The following ACAD9 variants were observed in gnomAD, a reference collection of about 807,000 sequenced individuals.
ACAD9 encodes the protein complex I assembly factor ACAD9, mitochondrial.
A neutral mutation model predicts 70.2 loss-of-function variants in ACAD9; 53 were observed. The observed-to-expected ratio is 0.75, with a 90% CI of 0.61 to 0.95. The LOEUF is 0.95. ACAD9 is among the 40% of genes least tolerant of loss of function. The pLI, the probability that ACAD9 is intolerant of heterozygous loss-of-function variation, is 0.00. For synonymous variants in ACAD9, 313 were observed against 312.1 expected (o/e 1.00, Z -0.03); for missense variants, 777 against 802.8 (o/e 0.97, Z 0.39).
rs567325232 is a variant in ACAD9 at position 128,897,274 on chromosome 3, C to T, written c.555-358C>T. On this transcript the variant is annotated intron_variant, in intron 5 of 17. Transcript: ENST00000308982. ...CTCAATCTCATCTCACTGCAACCTCCGCCTTCAAGCGATTCTTCTGCCTCA... is the reference window on the plus strand; with the variant it reads ...CTCAATCTCATCTCACTGCAACCTCTGCCTTCAAGCGATTCTTCTGCCTCA... Among the ~76,000 whole-genome samples the T allele has an allele frequency of 5.9e-5, 9 of 151,958 alleles. 1 individual carries two copies. Among genetic ancestry groups the T allele is most frequent in the East Asian group, 3.9e-4 (2 of 5,164 alleles).
chr3:128,909,505 T>C (rs367889764), intron 15 of ACAD9, 84 bp downstream of exon 15: 16 of 1,390,818 alleles, frequency 1.2e-5, no homozygotes, highest in African/African-American at 8.5e-5. Flanking sequence ...TCAAGCATCC[T>C]TTGGGACCAG....
At chr3:128,912,415 GCTGA>G (rs1488208420) in intron 17 of ACAD9, 88 bp from the exon 18 acceptor site, 3 of 1,148,538 alleles carry the variant, frequency 2.6e-6, no homozygotes, top group African/African-American at 1.5e-5. Flanking sequence ...TGGTGGGTGG[GCTGA>G]CTTTGTGGAA....
At chr3:128,886,294 G>A (rs1935243032) in intron 2 of ACAD9, among the ~76,000 whole-genome samples, 1 of 151,508 alleles carries the variant, frequency 6.6e-6, no homozygotes, top group Admixed American at 6.6e-5. Context: ...GTAGAGATGG[G>A]GTTTCACTAT....
intron 5 of ACAD9, 47 bp downstream of exon 5, chr3:128,896,583 C>G (rs1249156034): frequency 1.9e-6 from 3 of 1,590,894 alleles, no homozygotes; most frequent in East Asian, 2.2e-5. Context: ...GTGATGTTGC[C>G]CAAGATTCAC....
chr3:128,885,926 C>T (rs1470438472), intron 2 of ACAD9, among the ~76,000 whole-genome samples: 3 of 151,232 alleles, frequency 2.0e-5, no homozygotes, highest in Non-Finnish European at 4.4e-5. Flanking sequence ...CTGAAGCAGG[C>T]GAATTGCTTG....
rs1935033997 is a variant in ACAD9, at chr3:128,879,821, T to TA, written c.130_131insA (p.Phe44TyrfsTer17). ...TGTACGAGCTTTCGCCAAAGAGCTT[T>TA]TCCTAGGCAAAATCAAGAAGGTAAC... On this transcript the variant is annotated frameshift_variant, in exon 1 of 18. Coordinates refer to ENST00000308982, the MANE Select transcript of ACAD9 (RefSeq NM_014049.5). LOFTEE classifies it high-confidence loss of function. The TA allele has an allele frequency of 1.9e-6, 3 of 1,614,062 alleles. No individual in the cohort carries two copies. The East Asian group carries it at 6.7e-5, about 36-fold the overall frequency.
rs1000084357 is a variant in ACAD9, at chr3:128,899,373, C to G, written c.720C>G (p.Asp240Glu). 1 of 1,614,268 alleles carries G rather than the reference C, an allele frequency of 6.2e-7. No individual in the cohort carries two copies. Among genetic ancestry groups the G allele is most frequent in the Non-Finnish European group, 8.5e-7 (1 of 1,180,048 alleles). Residue 240 changes from aspartate to glutamate, a missense_variant, in exon 7 of 18, where the codon GAC becomes GAG. By Grantham distance (45) the Asp-to-Glu change is conservative (BLOSUM62 2). Coordinates refer to ENST00000308982, the MANE Select transcript of ACAD9 (RefSeq NM_014049.5). ...TTGATTCTGATGGATCAGTGAAAGA[C>G]AAAATCACAGCATTCATAGTAGAAA... Reference protein sequence around the residue: ...EVVDSDGSVKDKITAFIVERD... With the variant: ...EVVDSDGSVKEKITAFIVERD...
Position 128,887,652 on chromosome 3 carries a change from T to A in ACAD9, c.244+2906T>A, listed in dbSNP as rs201785730. 2.6e-4 allele frequency among the ~76,000 whole-genome samples: 31 copies of A among 118,084 alleles called. 1 individual carries two copies. Among genetic ancestry groups the A allele is most frequent in the African/African-American group, 7.4e-4 (21 of 28,438 alleles). The allele number at this position is 118,084 out of a possible 152,430, so 77.5% of individuals were successfully genotyped here. A position where few individuals can be genotyped will look rare whatever the true frequency, so the allele number is the denominator to read the frequency against. ...AAATAAAAAAATAAATAAATATATA[T>A]ATATATATATATATATGCAAGAAAC... On this transcript the variant is annotated intron_variant, in intron 2 of 17. Transcript: ENST00000308982.
At chr3:128,908,459 A>G in intron 13 of ACAD9, 195 bp downstream of exon 13, 1 of 664,244 alleles carries the variant, frequency 1.5e-6, no homozygotes, top group South Asian at 1.7e-5. Flanking sequence ...CCCTGCCCTT[A>G]TGGCCACAGC....
At chr3:128,911,458 T>C (rs138964518) in intron 17 of ACAD9, among the ~76,000 whole-genome samples, 1,527 of 151,972 alleles carry the variant, frequency 0.01, 33 homozygotes, top group African/African-American at 0.035. Flanking sequence ...TTTGGAGACA[T>C]AGTCTCACTT....
chr3:128,891,649 T>G (rs998586924), intron 2 of ACAD9, among the ~76,000 whole-genome samples: 1 of 152,154 alleles, frequency 6.6e-6, no homozygotes, highest in African/African-American at 2.4e-5. Context: ...AAAAGTCTGT[T>G]TCATCAGAAC....
At chr3:128,887,477 C>G (rs1227976757) in intron 2 of ACAD9, among the ~76,000 whole-genome samples, 1 of 151,384 alleles carries the variant, frequency 6.6e-6, no homozygotes, top group South Asian at 2.1e-4. Flanking sequence ...CATGGTGGTG[C>G]GCGCCCATAG....
chr3:128,908,098 C>A, intron 12 of ACAD9, 87 bp from the exon 13 acceptor site: 1 of 1,257,726 alleles, frequency 8.0e-7, no homozygotes, highest in South Asian at 1.2e-5. Flanking sequence ...GGCAAGCAGG[C>A]AGTGGCCGGC....
intron 3 of ACAD9, 89 bp downstream of exon 3, chr3:128,893,745 T>C: frequency 8.8e-7 from 1 of 1,131,284 alleles, no homozygotes; most frequent in African/African-American, 1.5e-5. Context: ...CTGGAATAGA[T>C]GACACCATCC....
At position 128,909,271 on chromosome 3, in the gene ACAD9, G is replaced by A. The variant is rs1030867540; in HGVS notation, c.1486-73G>A. ...CCCCCAGATGGGGCATCTCTGCCTG[G>A]TACCCGGGCTGTGAGACAGGACAGG... On this transcript the variant is annotated intron_variant, in intron 14 of 17. Coordinates refer to ENST00000308982, the MANE Select transcript of ACAD9 (RefSeq NM_014049.5). 20 of 1,602,262 alleles carry A rather than the reference G, an allele frequency of 1.2e-5. No individual in the cohort carries two copies. In the Admixed American group the frequency reaches 2.5e-4, roughly 20 times the overall value.
rs150548024 is a variant in ACAD9 at position 128,900,700 on chromosome 3, G to A, written c.809-576G>A. Among the ~76,000 whole-genome samples, 743 of 152,202 alleles carry A rather than the reference G, an allele frequency of 4.9e-3. 8 individuals are homozygous for A. Among genetic ancestry groups the A allele is most frequent in the African/African-American group, 0.017 (707 of 41,530 alleles). On this transcript the variant is annotated intron_variant, in intron 7 of 17. Coordinates refer to ENST00000308982, the MANE Select transcript of ACAD9 (RefSeq NM_014049.5). The stretch of plus-strand genomic sequence containing the variant: ...CATTTAAGGTCTCTGTTCATGTTGG[G>A]TCAGCTCTTTGTATTGGCCACAGGA...
chr3:128,882,936 C>T (rs919964206), intron 1 of ACAD9, among the ~76,000 whole-genome samples: 1 of 152,208 alleles, frequency 6.6e-6, no homozygotes, highest in African/African-American at 2.4e-5. Flanking sequence ...GCAGTCTTAT[C>T]TGGCCTGCCC....
In ACAD9 at chr3:128,906,204, G is replaced by A. The variant is rs754767509; in HGVS notation, c.1233G>A (p.Pro411=). ...LGGLGYTRDY[P]YERILRDTRI... ...GCTTGGGCTACACAAGGGACTATCC[G>A]TACGAGCGCATACTGCGTGACACCC... The change falls in exon 12 of 18, where the codon CCG becomes CCA. Residue 411 remains proline (P), a synonymous_variant. Coordinates refer to ENST00000308982, the MANE Select transcript of ACAD9 (RefSeq NM_014049.5). 5.5e-5 allele frequency: 88 copies of A among 1,614,204 alleles called. No homozygotes were observed. The South Asian group carries it at 7.9e-4, about 14-fold the overall frequency.
At chr3:128,901,814 C>T (rs1242844968) in intron 8 of ACAD9, among the ~76,000 whole-genome samples, 2 of 152,094 alleles carry the variant, frequency 1.3e-5, no homozygotes, top group African/African-American at 2.4e-5. Context: ...TCAAATATCT[C>T]ACACAGAACA....
Sources: gnomAD v4.1 joint callset for allele counts (sites outside exome capture counted in the v4.1 genomes callset) on GRCh38, gnomAD v4.1.1 for gene constraint, MANE v1.5 for transcripts, NCBI Gene and HGNC (gene_info 2026-07-23, HGNC 2026-07-21) for gene names.